Variants in LARP4B observed in about 807,000 individuals in gnomAD.
The protein encoded by LARP4B is la-related protein 4B.
LARP4B carries 12 observed loss-of-function variants against 89.8 expected under a neutral mutation model. The observed-to-expected ratio is 0.13, with a 90% CI of 0.09 to 0.22. The LOEUF is 0.22. Ranked by LOEUF, LARP4B falls within the 10% of genes least tolerant of loss-of-function variation. The probability of loss-of-function intolerance (pLI) is 1.00; values close to 1 mark genes in which losing one functional copy is unlikely to be tolerated. For missense variants in LARP4B, 757 were observed against 947.7 expected (o/e 0.80, Z 2.64); for synonymous variants, 367 against 363.3 (o/e 1.01, Z -0.12).
At chr10:844,858 T>C in intron 6 of LARP4B, 119 bp downstream of exon 6, 1 of 636,496 alleles carries the variant, frequency 1.6e-6, no homozygotes. Context: ...CACGTCTTCA[T>C]ATACATATAT....
chr10:808,967 A>T (rs1287555224), downstream of LARP4B: 1 of 152,256 alleles, frequency 6.6e-6, no homozygotes, highest in Non-Finnish European at 1.5e-5. Flanking sequence ...TATATGACAA[A>T]GGATTAATAG....
intron 1 of LARP4B, among the ~76,000 whole-genome samples, chr10:896,346 T>G (rs1383190084): frequency 6.6e-6 from 1 of 152,192 alleles, no homozygotes; most frequent in Admixed American, 6.5e-5. Context: ...TATTCAATAT[T>G]CATTTATATG....
the LARP4B span, among the ~76,000 whole-genome samples, chr10:968,341 G>A: frequency 1.9e-5 from 2 of 106,284 alleles, no homozygotes; most frequent in East Asian, 6.7e-4. Flanking sequence ...CAGTTTGTGT[G>A]ATAATTAAAA....
intron 15 of LARP4B, among the ~76,000 whole-genome samples, chr10:816,481 A>G (rs1048375639): frequency 1.1e-4 from 16 of 152,244 alleles, no homozygotes; most frequent in Admixed American, 9.8e-4. Context: ...CATAAGGCTC[A>G]GGGTCAGGCT....
At chr10:807,239 G>C (rs1831589748), downstream of LARP4B, 1 of 152,376 alleles carries the variant, frequency 6.6e-6, no homozygotes, top group Admixed American at 6.5e-5. Context: ...TTAGGACAGG[G>C]GTGAGGAACA....
At chr10:917,662 G>A (rs577597585) in intron 1 of LARP4B, among the ~76,000 whole-genome samples, 5 of 152,242 alleles carry the variant, frequency 3.3e-5, no homozygotes, top group South Asian at 2.1e-4. Context: ...GATATTTTGC[G>A]ACCTCAAGAA....
At chr10:985,837 T>A in the LARP4B span, 1 of 152,260 alleles carries the variant, frequency 6.6e-6, no homozygotes, top group African/African-American at 2.4e-5. Context: ...TCACTGTGAA[T>A]GCTCTTGGCA....
At chr10:883,331 G>A (rs1012932099) in intron 3 of LARP4B, among the ~76,000 whole-genome samples, 1 of 152,012 alleles carries the variant, frequency 6.6e-6, no homozygotes, top group Non-Finnish European at 1.5e-5. Flanking sequence ...GACCGACATG[G>A]TGAAACCATG....
chr10:937,906 A>G, the LARP4B span, among the ~76,000 whole-genome samples: 2 of 151,884 alleles, frequency 1.3e-5, no homozygotes. Context: ...TTATTTTGAG[A>G]CGGAGTCTTG....
At chr10:893,637 G>A (rs1588970092) in intron 1 of LARP4B, among the ~76,000 whole-genome samples, 1 of 152,074 alleles carries the variant, frequency 6.6e-6, no homozygotes, top group Non-Finnish European at 1.5e-5. Flanking sequence ...ATTCATCTAC[G>A]CTTTTCCAGA....
At chr10:869,304 A>T (rs1835073562) in intron 3 of LARP4B, among the ~76,000 whole-genome samples, 1 of 152,184 alleles carries the variant, frequency 6.6e-6, no homozygotes, top group African/African-American at 2.4e-5. Flanking sequence ...TTATCGAATC[A>T]ACTACACTGC....
At position 822,823 on chromosome 10, in the gene LARP4B, T is replaced by C. The variant is rs1346401796; in HGVS notation, c.1485-1978A>G. The stretch of plus-strand genomic sequence containing the variant: ...TCCACCAAGGCAGCCACCTGGCGCC[T>C]GGGGCTCCTCATGCCATTCAACCCA... On this transcript the variant is annotated intron_variant, in intron 13 of 17. Coordinates refer to ENST00000316157, the MANE Select transcript of LARP4B (RefSeq NM_015155.3). The surrounding 1 kb of genome is among the most constrained non-coding windows in gnomAD (Gnocchi z 4.6). 1.3e-5 allele frequency among the ~76,000 whole-genome samples: 2 copies of C among 152,180 alleles called. No homozygotes were observed. The highest frequency in any genetic ancestry group is 4.8e-5 in the African/African-American group (2 of 41,436).
intron 1 of LARP4B, among the ~76,000 whole-genome samples, chr10:912,853 G>A (rs1430069323): frequency 6.6e-6 from 1 of 152,092 alleles, no homozygotes; most frequent in African/African-American, 2.4e-5. Context: ...ATGGCAGTGA[G>A]ACCCCATCAA....
intron 1 of LARP4B, among the ~76,000 whole-genome samples, chr10:914,162 G>A (rs1367474171): frequency 6.6e-6 from 1 of 152,060 alleles, no homozygotes; most frequent in Non-Finnish European, 1.5e-5. Flanking sequence ...TTGTCATGTG[G>A]TATAAAACAG....
chr10:905,078 C>T (rs1034367258), intron 1 of LARP4B, among the ~76,000 whole-genome samples: 3 of 152,218 alleles, frequency 2.0e-5, no homozygotes. Context: ...CAAGATACCT[C>T]ATTATGTATA....
intron 7 of LARP4B, 109 bp from the exon 8 acceptor site, chr10:836,615 G>A: frequency 1.5e-6 from 1 of 673,440 alleles, no homozygotes; most frequent in Non-Finnish European, 2.5e-6. Flanking sequence ...AAAGAAACCT[G>A]CAAATGGGCA....
chr10:957,204 C>A, the LARP4B span, among the ~76,000 whole-genome samples: 2 of 152,072 alleles, frequency 1.3e-5, no homozygotes, highest in African/African-American at 2.4e-5. Context: ...GCTGTGTCAC[C>A]CAGGCTGGAG....
rs1414142827 is a variant in LARP4B at position 884,552 on chromosome 10, G to C, written c.82-46C>G. 4 of 1,286,764 alleles carry C rather than the reference G, an allele frequency of 3.1e-6. No individual in the cohort carries two copies. The African/African-American group carries it at 5.9e-5, about 19-fold the overall frequency. The allele number at this position is 1,286,764 out of a possible 1,614,324, so 79.7% of individuals were successfully genotyped here. A position where few individuals can be genotyped will look rare whatever the true frequency, so the allele number is the denominator to read the frequency against. On this transcript the variant is annotated intron_variant, in intron 2 of 17. Coordinates refer to ENST00000316157, the MANE Select transcript of LARP4B (RefSeq NM_015155.3). ...ACAACATCAGTACAATGTTTAAAAA[G>C]AAACAACATATTTTCAAACCACAGT...
Position 897,987 on chromosome 10 carries a change from C to CAA in LARP4B, c.-39-12229_-39-12228dup, listed in dbSNP as rs58452748. The stretch of plus-strand genomic sequence containing the variant: ...TGGGCGACAAAGCGAGGCTCCATCT[C>CAA]AAAAAAAAAAAAAAAAAAAAAAAAA... On this transcript the variant is annotated intron_variant, in intron 1 of 17. Coordinates refer to ENST00000316157, the MANE Select transcript of LARP4B (RefSeq NM_015155.3). 3.7e-3 allele frequency among the ~76,000 whole-genome samples: 94 copies of CAA among 25,610 alleles called. 9 individuals are homozygous for CAA. The highest frequency in any genetic ancestry group is 0.015 in the African/African-American group (83 of 5,608). The allele number at this position is 25,610 out of a possible 152,430, so 16.8% of individuals were successfully genotyped here.
Sources: gnomAD v4.1 joint callset for allele counts (sites outside exome capture counted in the v4.1 genomes callset) on GRCh38, gnomAD v4.1.1 for gene constraint, Gnocchi (gnomAD v3.1) non-coding constraint, MANE v1.5 for transcripts, NCBI Gene and HGNC (gene_info 2026-07-23, HGNC 2026-07-21) for gene names.